Variants in MBOAT2 observed in about 807,000 individuals in gnomAD.
MBOAT2 encodes the protein membrane-bound glycerophospholipid O-acyltransferase 2.
MBOAT2 carries 28 observed loss-of-function variants against 63.4 expected under a neutral mutation model. That is an observed-to-expected ratio of 0.44 (90% confidence interval 0.33 to 0.61). MBOAT2 has a LOEUF of 0.61. Among genes scored for constraint, MBOAT2 ranks in the 20% least tolerant of loss-of-function variants. The pLI is 0.03. For missense variants in MBOAT2, 470 were observed against 605.8 expected (o/e 0.78, Z 2.35); for synonymous variants, 211 against 215.6 (o/e 0.98, Z 0.19).
chr2:8,882,415 C>A, intron 6 of MBOAT2, 96 bp downstream of exon 6: 1 of 1,188,538 alleles, frequency 8.4e-7, no homozygotes, highest in Non-Finnish European at 1.2e-6. Context: ...GAAGTAAGTA[C>A]CTCTAGAAGG....
intron 1 of MBOAT2, among the ~76,000 whole-genome samples, chr2:8,959,044 C>T (rs920521598): frequency 6.6e-6 from 1 of 152,162 alleles, no homozygotes; most frequent in Non-Finnish European, 1.5e-5. Flanking sequence ...TAAATTTCTT[C>T]GCAAAAGCTC....
At chr2:8,997,854 A>G (rs942856844) in intron 1 of MBOAT2, among the ~76,000 whole-genome samples, 7 of 152,122 alleles carry the variant, frequency 4.6e-5, no homozygotes, top group African/African-American at 1.7e-4. Context: ...CTGCCCTACT[A>G]CTTCCTCTTA....
chr2:8,873,744 A>G (rs1212159883), intron 7 of MBOAT2, among the ~76,000 whole-genome samples: 1 of 152,232 alleles, frequency 6.6e-6, no homozygotes. Flanking sequence ...TACAATAAAC[A>G]ATCTATGCAT....
chr2:8,889,142 A>AGGACCCCAGCCTAGGGAGGCTT (rs1322486503), intron 4 of MBOAT2, among the ~76,000 whole-genome samples: 2 of 152,130 alleles, frequency 1.3e-5, no homozygotes, highest in African/African-American at 4.8e-5. Flanking sequence ...AGGAGGGGAG[A>AGGACCCCAGCCTAGGGAGGCTT]GGACCCCAGC....
chr2:8,950,618 G>A lies in MBOAT2; in HGVS notation c.222-7354C>T, dbSNP rs369985552. Among the ~76,000 whole-genome samples the A allele has an allele frequency of 9.2e-5, 14 of 152,152 alleles. No homozygotes were observed. The East Asian group carries it at 1.2e-3, about 13-fold the overall frequency. On this transcript the variant is annotated intron_variant, in intron 2 of 12. Coordinates refer to ENST00000305997, the MANE Select transcript of MBOAT2 (RefSeq NM_138799.4). Reference sequence around the variant, plus strand: ...AATTTTTTGTATTTTTAGTAGAGACGGGGTTTCACCGTGTTAGCCAGGATG... The same window carrying A: ...AATTTTTTGTATTTTTAGTAGAGACAGGGTTTCACCGTGTTAGCCAGGATG...
intron 1 of MBOAT2, among the ~76,000 whole-genome samples, chr2:8,966,039 T>A (rs1558663888): frequency 6.6e-6 from 1 of 152,198 alleles, no homozygotes; most frequent in African/African-American, 2.4e-5. Flanking sequence ...CATTAACGGA[T>A]TTTTGATAAC....
At chr2:8,943,103 TTAATG>T in intron 3 of MBOAT2, 79 bp downstream of exon 3, 2 of 719,524 alleles carry the variant, frequency 2.8e-6, no homozygotes, top group Admixed American at 3.3e-5. Context: ...ATAATTACTT[TTAATG>T]TAATAAATAA....
At chr2:8,881,138 C>T (rs1258250918) in intron 6 of MBOAT2, among the ~76,000 whole-genome samples, 2 of 152,150 alleles carry the variant, frequency 1.3e-5, no homozygotes, top group Non-Finnish European at 2.9e-5. Context: ...GAACTCCGTG[C>T]AGCAGTGAGA....
At chr2:8,956,783 T>C (rs754804443) in intron 2 of MBOAT2, among the ~76,000 whole-genome samples, 2 of 152,182 alleles carry the variant, frequency 1.3e-5, no homozygotes, top group Non-Finnish European at 2.9e-5. Context: ...TCGGGTTACT[T>C]GTGACATTGT....
At chr2:8,868,613 A>G in intron 8 of MBOAT2, 64 bp from the exon 9 acceptor site, 1 of 1,291,814 alleles carries the variant, frequency 7.7e-7, no homozygotes, top group South Asian at 1.3e-5. Flanking sequence ...ATATTCTCCC[A>G]GAAGGTATGT....
At chr2:8,861,881 T>C (rs1661525226) in intron 11 of MBOAT2, among the ~76,000 whole-genome samples, 2 of 152,230 alleles carry the variant, frequency 1.3e-5, no homozygotes, top group Admixed American at 1.3e-4. Flanking sequence ...CCTTAGTTAA[T>C]ACTTCTTGAA....
chr2:8,950,362 A>G (rs766243463), intron 2 of MBOAT2, among the ~76,000 whole-genome samples: 4 of 152,282 alleles, frequency 2.6e-5, no homozygotes, highest in Middle Eastern at 6.8e-3. Context: ...TATGTTGAAC[A>G]TGAGTGGTGA....
At chr2:8,954,252 T>C (rs1327986641) in intron 2 of MBOAT2, among the ~76,000 whole-genome samples, 1 of 152,098 alleles carries the variant, frequency 6.6e-6, no homozygotes, top group Non-Finnish European at 1.5e-5. Context: ...AGCCCACAGA[T>C]GGTGCTTATA....
intron 3 of MBOAT2, among the ~76,000 whole-genome samples, chr2:8,942,910 A>G (rs1432970030): frequency 6.6e-6 from 1 of 152,222 alleles, no homozygotes; most frequent in African/African-American, 2.4e-5. Flanking sequence ...TGCTACTGGC[A>G]TCTAGGTGGT....
At chr2:8,880,337 T>A (rs926874871) in intron 6 of MBOAT2, among the ~76,000 whole-genome samples, 1 of 151,828 alleles carries the variant, frequency 6.6e-6, no homozygotes, top group Non-Finnish European at 1.5e-5. Context: ...TGTAAGAAAA[T>A]GGAAGTCCCC....
intron 5 of MBOAT2, among the ~76,000 whole-genome samples, chr2:8,887,668 C>T (rs1663658412): frequency 6.6e-6 from 1 of 152,028 alleles, no homozygotes; most frequent in African/African-American, 2.4e-5. Flanking sequence ...TGGGGGAAGG[C>T]ACATAAATTA....
chr2:8,930,670 G>A (rs907745072), intron 3 of MBOAT2, among the ~76,000 whole-genome samples: 12 of 147,072 alleles, frequency 8.2e-5, no homozygotes, highest in Admixed American at 2.1e-4. Flanking sequence ...CTTCCACAAC[G>A]GTTTGGACAC....
At chr2:8,974,322 C>T (rs184519957) in intron 1 of MBOAT2, 1 of 454,868 alleles carries the variant, frequency 2.2e-6, no homozygotes, top group East Asian at 7.0e-5. Flanking sequence ...GGAAAGTCTT[C>T]CTCACTCTTA....
chr2:8,938,485 T>C (rs1462434329), intron 3 of MBOAT2, among the ~76,000 whole-genome samples: 1 of 150,630 alleles, frequency 6.6e-6, no homozygotes, highest in Non-Finnish European at 1.5e-5. Context: ...CGTGTTTCAT[T>C]CCACCACGTT....
Sources: gnomAD v4.1 joint callset for allele counts (sites outside exome capture counted in the v4.1 genomes callset) on GRCh38, gnomAD v4.1.1 for gene constraint, MANE v1.5 for transcripts, NCBI Gene and HGNC (gene_info 2026-07-23, HGNC 2026-07-21) for gene names.